TEX9: variants seen among roughly 807,000 people sequenced by gnomAD.
TEX9 encodes testis-expressed protein 9.
A neutral mutation model predicts 59.6 loss-of-function variants in TEX9; 74 were observed. The ratio of observed to expected loss-of-function variants is 1.24; its 90% confidence interval spans 1.03 to 1.51. The LOEUF is 1.51. Ranked by LOEUF, TEX9 falls within the 40% of genes most tolerant of loss-of-function variation. The pLI is 0.00. For synonymous variants in TEX9, 186 were observed against 152.2 expected (o/e 1.22, Z -1.64); for missense variants, 522 against 447.8 (o/e 1.17, Z -1.49).
At chr15:56,437,802 A>G (rs1262607958) in intron 12 of TEX9, among the ~76,000 whole-genome samples, 1 of 152,222 alleles carries the variant, frequency 6.6e-6, no homozygotes, top group Non-Finnish European at 1.5e-5. Flanking sequence ...AAAAATCACA[A>G]GCATTCTTAT....
chr15:56,244,820 C>G (rs972937951), intron 1 of TEX9, among the ~76,000 whole-genome samples: 10 of 147,698 alleles, frequency 6.8e-5, no homozygotes, highest in African/African-American at 2.5e-4. Flanking sequence ...CCGCACCATT[C>G]CCCCCCTTCC....
intron 1 of TEX9, among the ~76,000 whole-genome samples, chr15:56,277,618 GTTC>G (rs2044704172): frequency 6.6e-6 from 1 of 152,200 alleles, no homozygotes; most frequent in South Asian, 2.1e-4. Flanking sequence ...CTCCAGCTTT[GTTC>G]TTCTTGCCCA....
At chr15:56,429,413 T>A in intron 12 of TEX9, 1 of 410,478 alleles carries the variant, frequency 2.4e-6, no homozygotes, top group Non-Finnish European at 4.3e-6. Flanking sequence ...ATTTATCAGC[T>A]CTAGTGTAGG....
At chr15:56,300,640 A>C (rs1314723837) in intron 1 of TEX9, among the ~76,000 whole-genome samples, 1 of 149,428 alleles carries the variant, frequency 6.7e-6, no homozygotes, top group African/African-American at 2.5e-5. Flanking sequence ...AGTGGTGGCC[A>C]CAGGGGTGCT....
intron 1 of TEX9, among the ~76,000 whole-genome samples, chr15:56,318,730 A>G (rs572680404): frequency 6.6e-6 from 1 of 152,270 alleles, no homozygotes; most frequent in South Asian, 2.1e-4. Context: ...TGCAGTTAAC[A>G]TCTTAACTTA....
intron 9 of TEX9, among the ~76,000 whole-genome samples, chr15:56,406,749 T>G (rs1386577426): frequency 6.6e-6 from 1 of 152,178 alleles, no homozygotes; most frequent in African/African-American, 2.4e-5. Flanking sequence ...TATCTTCTTT[T>G]GCGATGTATT....
intron 4 of TEX9, among the ~76,000 whole-genome samples, chr15:56,387,232 A>G (rs2048002202): frequency 6.6e-6 from 1 of 151,990 alleles, no homozygotes; most frequent in Non-Finnish European, 1.5e-5. Context: ...TGATGGAGAC[A>G]GATAACCCTT....
intron 1 of TEX9, among the ~76,000 whole-genome samples, chr15:56,357,556 T>A (rs2046707215): frequency 6.6e-6 from 1 of 152,160 alleles, no homozygotes; most frequent in African/African-American, 2.4e-5. Context: ...CTTCTTGAAA[T>A]CCGATTTTTT....
chr15:56,289,497 G>A (rs897295353), intron 1 of TEX9, among the ~76,000 whole-genome samples: 2 of 152,106 alleles, frequency 1.3e-5, no homozygotes, highest in Non-Finnish European at 2.9e-5. Context: ...TGTCAGCTGG[G>A]GGTTGTGTTG....
chr15:56,412,236 G>A, intron 9 of TEX9, 66 bp from the exon 10 acceptor site: 2 of 1,470,050 alleles, frequency 1.4e-6, no homozygotes, highest in South Asian at 2.6e-5. Context: ...GGAAGATACT[G>A]CAAAATGATA....
At chr15:56,428,377 A>G in exon 12 of TEX9, 1 of 1,611,554 alleles carries the variant, frequency 6.2e-7, no homozygotes, top group Non-Finnish European at 8.5e-7. Context: ...ATGCATATTG[A>G]AGCTGCCAAG....
At chr15:56,309,660 G>C (rs1182157510) in intron 1 of TEX9, among the ~76,000 whole-genome samples, 3 of 129,206 alleles carry the variant, frequency 2.3e-5, no homozygotes, top group African/African-American at 8.6e-5. Flanking sequence ...GAATTTATTG[G>C]TAAAGCATCT....
chr15:56,280,276 G>A (rs2141449572), intron 1 of TEX9, among the ~76,000 whole-genome samples: 1 of 152,198 alleles, frequency 6.6e-6, no homozygotes, highest in African/African-American at 2.4e-5. Flanking sequence ...CCCACCCCCA[G>A]CCATGATCGC....
At chr15:56,409,995 A>T (rs1259494262) in intron 9 of TEX9, 1 of 152,214 alleles carries the variant, frequency 6.6e-6, no homozygotes, top group African/African-American at 2.4e-5. Flanking sequence ...TCTAGAATGC[A>T]AATGTCATGA....
At chr15:56,377,301 G>A (rs2047505499) in intron 3 of TEX9, among the ~76,000 whole-genome samples, 1 of 152,112 alleles carries the variant, frequency 6.6e-6, no homozygotes, top group South Asian at 2.1e-4. Context: ...AATGCGATTG[G>A]TATTTTGCAA....
At chr15:56,370,501 A>G (rs1466952980) in intron 2 of TEX9, among the ~76,000 whole-genome samples, 3 of 152,088 alleles carry the variant, frequency 2.0e-5, no homozygotes, top group African/African-American at 7.2e-5. Context: ...TTATTCTTCA[A>G]TTACAGTTTA....
At chr15:56,437,336 A>C (rs1167303022) in intron 12 of TEX9, among the ~76,000 whole-genome samples, 1 of 152,226 alleles carries the variant, frequency 6.6e-6, no homozygotes, top group East Asian at 1.9e-4. Context: ...AATGTAATCC[A>C]GCATATAAAC....
chr15:56,429,333 A>AAATC (rs2050490053), intron 12 of TEX9: 1 of 592,890 alleles, frequency 1.7e-6, no homozygotes, highest in African/African-American at 2.0e-5. Flanking sequence ...AACTTTAAAA[A>AAATC]AATCAATACT....
At chr15:56,329,173 A>G (rs2046088982) in intron 1 of TEX9, among the ~76,000 whole-genome samples, 1 of 152,184 alleles carries the variant, frequency 6.6e-6, no homozygotes, top group African/African-American at 2.4e-5. Context: ...ATCATGTCCA[A>G]GGCCACCAAG....
Sources: allele counts gnomAD v4.1 joint callset (sites outside exome capture counted in the v4.1 genomes callset), GRCh38; gene constraint gnomAD v4.1.1; transcripts MANE v1.5; gene names NCBI Gene and HGNC (gene_info 2026-07-23, HGNC 2026-07-21).